The following FHIP1A variants were observed in gnomAD, a reference collection of about 807,000 sequenced individuals.
The protein encoded by FHIP1A is FHF complex subunit HOOK interacting protein 1A.
In FHIP1A, 61 loss-of-function variants were observed where a neutral mutation model predicts 88.6. The observed-to-expected ratio is 0.69, with a 90% CI of 0.56 to 0.85. FHIP1A has a LOEUF of 0.85. Ranked by LOEUF, FHIP1A falls within the 40% of genes least tolerant of loss-of-function variation. The pLI is 0.00. For synonymous variants in FHIP1A, 478 were observed against 496.0 expected, an observed-to-expected ratio of 0.96 and a Z score of 0.48; for missense variants, 1,154 against 1,273.5, an observed-to-expected ratio of 0.91 and a Z score of 1.43.
chr4:151,436,713 A>G (rs1162152604), intron 1 of FHIP1A, among the ~76,000 whole-genome samples: 1 of 152,158 alleles, frequency 6.6e-6, no homozygotes, highest in Admixed American at 6.5e-5. Context: ...GTCTAAATCT[A>G]AATGGTGTAA....
Position 151,662,754 on chromosome 4 carries a change from G to C in FHIP1A, c.3123G>C (p.Ter1041TyrextTer13). The C allele has an allele frequency of 7.7e-7, 1 of 1,297,826 alleles. No homozygotes were observed. The highest frequency in any genetic ancestry group is 9.8e-7 in the Non-Finnish European group (1 of 1,022,772). 80.4% of individuals were successfully genotyped at this position (1,297,826 alleles called of 1,614,324 possible). Reference protein sequence around the residue: ...ILGDFEDSCC* With the variant: ...ILGDFEDSCCY ...GTGACTTTGAGGACTCCTGCTGTTA[G>C]CTTTTTTTTTTTTTTTTAATAGAGG... The change falls in exon 14 of 14, where the codon TAG becomes TAC. Residue 1041 changes from the stop codon to tyrosine, a stop_lost. Transcript: ENST00000435205.
chr4:151,653,710 G>A (rs1309320940), intron 11 of FHIP1A, among the ~76,000 whole-genome samples: 1 of 152,154 alleles, frequency 6.6e-6, no homozygotes, highest in Admixed American at 6.5e-5. Context: ...AGTGGAGCAG[G>A]GGAGGTGGAG....
At chr4:151,492,270 T>A (rs1478319662) in intron 3 of FHIP1A, among the ~76,000 whole-genome samples, 1 of 152,122 alleles carries the variant, frequency 6.6e-6, no homozygotes, top group African/African-American at 2.4e-5. Context: ...CAAGTCTCGA[T>A]AAATTTAAGA....
chr4:151,469,625 A>G (rs990705705), intron 2 of FHIP1A, among the ~76,000 whole-genome samples: 33 of 152,316 alleles, frequency 2.2e-4, no homozygotes, highest in African/African-American at 7.7e-4. Flanking sequence ...ATTATGTCTA[A>G]AAGACTGTTT....
chr4:151,588,560 A>C (rs1055459518), intron 6 of FHIP1A, among the ~76,000 whole-genome samples: 2 of 152,156 alleles, frequency 1.3e-5, no homozygotes, highest in African/African-American at 2.4e-5. Flanking sequence ...ATACATACTC[A>C]GTCTATTTAT....
chr4:151,549,139 A>G lies in FHIP1A; in HGVS notation c.-122-16999A>G, dbSNP rs551309679. On this transcript the variant is annotated intron_variant, in intron 3 of 13. Transcript: ENST00000435205. ...AGTTTGGCAGGAAGGACAGTTAGGA[A>G]CAGGTAACTAAAGGTGACTTAGGTC... is the stretch of plus-strand genomic sequence containing the variant. Among the ~76,000 whole-genome samples the G allele has an allele frequency of 2.0e-5, 3 of 152,258 alleles. No individual in the cohort carries two copies. The East Asian group carries it at 5.8e-4, about 29-fold the overall frequency.
intron 5 of FHIP1A, among the ~76,000 whole-genome samples, chr4:151,580,905 T>G (rs1733997690): frequency 6.6e-6 from 1 of 152,228 alleles, no homozygotes; most frequent in Admixed American, 6.5e-5. Flanking sequence ...TCACCCAGGC[T>G]GGAGTGCAGT....
intron 6 of FHIP1A, among the ~76,000 whole-genome samples, chr4:151,587,042 T>C (rs1370927823): frequency 6.6e-6 from 1 of 152,206 alleles, no homozygotes; most frequent in African/African-American, 2.4e-5. Flanking sequence ...TAATTCTGTT[T>C]TGATTATCTA....
intron 9 of FHIP1A, 58 bp from the exon 10 acceptor site, chr4:151,646,500 C>T (rs1717683305): frequency 8.0e-7 from 1 of 1,246,724 alleles, no homozygotes; most frequent in Non-Finnish European, 1.1e-6. Context: ...TTTAGTTAGT[C>T]CCAGTAATGG....
chr4:151,614,318 A>C (rs1735434733), intron 7 of FHIP1A, among the ~76,000 whole-genome samples: 1 of 151,814 alleles, frequency 6.6e-6, no homozygotes, highest in Admixed American at 6.6e-5. Context: ...AAGATACAAA[A>C]ATCACCCAGG....
Position 151,530,875 on chromosome 4 carries a change from A to G in FHIP1A, c.-122-35263A>G, listed in dbSNP as rs183011290. 2.4e-4 allele frequency among the ~76,000 whole-genome samples: 37 copies of G among 152,300 alleles called. 1 individual carries two copies. Among genetic ancestry groups the G allele is most frequent in the Admixed American group, 7.2e-4 (11 of 15,300 alleles). ...TTAGCATAGTGCATGGCATATGGTA[A>G]TGTCTCAAGAAAAGTTACGTGGTGC... On this transcript the variant is annotated intron_variant, in intron 3 of 13. Coordinates refer to ENST00000435205, the MANE Select transcript of FHIP1A (RefSeq NM_001109977.3).
At chr4:151,632,721 A>G (rs1000125462) in intron 8 of FHIP1A, among the ~76,000 whole-genome samples, 1 of 152,094 alleles carries the variant, frequency 6.6e-6, no homozygotes, top group African/African-American at 2.4e-5. Flanking sequence ...AAATTAAACA[A>G]CACATTCTTG....
chr4:151,628,212 G>A (rs1385831363), intron 7 of FHIP1A, among the ~76,000 whole-genome samples: 1 of 152,128 alleles, frequency 6.6e-6, no homozygotes, highest in East Asian at 1.9e-4. Context: ...GCTATGATAT[G>A]TACTCAGACC....
Position 151,581,202 on chromosome 4 carries a change from G to GT in FHIP1A, c.732+3132dup, listed in dbSNP as rs561591407. ...AAAACACAGAATCTTAGTGTATGCT[G>GT]TTTTTTGGATACATATGTATACAGT... On this transcript the variant is annotated intron_variant, in intron 5 of 13. Coordinates refer to ENST00000435205, the MANE Select transcript of FHIP1A (RefSeq NM_001109977.3). Among the ~76,000 whole-genome samples, 127 of 152,234 alleles carry GT rather than the reference G, an allele frequency of 8.3e-4. 1 individual carries two copies. The highest frequency in any genetic ancestry group is 2.8e-3 in the African/African-American group (117 of 41,540).
intron 3 of FHIP1A, among the ~76,000 whole-genome samples, chr4:151,535,381 TA>T (rs1450111591): frequency 6.6e-6 from 1 of 152,102 alleles, no homozygotes; most frequent in Non-Finnish European, 1.5e-5. Context: ...CTCCAATAAT[TA>T]AAAAATCAAT....
intron 5 of FHIP1A, among the ~76,000 whole-genome samples, chr4:151,586,416 C>T (rs1734215506): frequency 6.6e-6 from 1 of 152,190 alleles, no homozygotes; most frequent in African/African-American, 2.4e-5. Flanking sequence ...TGTATATTAG[C>T]CAGATAGTTC....
intron 2 of FHIP1A, among the ~76,000 whole-genome samples, chr4:151,472,013 T>C (rs1206705346): frequency 1.3e-5 from 2 of 152,174 alleles, no homozygotes; most frequent in Non-Finnish European, 2.9e-5. Context: ...ATCTTCTCAT[T>C]GATCGATGGG....
At chr4:151,564,954 C>CTTAA (rs1733325622) in intron 3 of FHIP1A, among the ~76,000 whole-genome samples, 6 of 152,130 alleles carry the variant, frequency 3.9e-5, no homozygotes, top group Admixed American at 3.9e-4. Context: ...CCACAAGGAA[C>CTTAA]TTAACCCCTG....
chr4:151,432,131 T>C (rs910389949), intron 1 of FHIP1A, among the ~76,000 whole-genome samples: 7 of 152,384 alleles, frequency 4.6e-5, no homozygotes, highest in Admixed American at 6.5e-5. Context: ...GAGCCTTTAT[T>C]GAACTAGCAA....
Sources: allele counts gnomAD v4.1 joint callset (sites outside exome capture counted in the v4.1 genomes callset), GRCh38; gene constraint gnomAD v4.1.1; transcripts MANE v1.5; gene names NCBI Gene and HGNC (gene_info 2026-07-23, HGNC 2026-07-21).